EPB41L5: variants seen among roughly 807,000 people sequenced by gnomAD.
EPB41L5 encodes band 4.1-like protein 5.
A neutral mutation model predicts 106.6 loss-of-function variants in EPB41L5; 55 were observed. That is an observed-to-expected ratio of 0.52 (90% CI 0.42 to 0.65). The LOEUF (loss-of-function observed/expected upper bound fraction) is 0.65, where lower values mean the gene tolerates loss of function less well. EPB41L5 is among the 30% of genes least tolerant of loss of function. The pLI is 0.00. For synonymous variants in EPB41L5, 297 were observed against 306.7 expected, an observed-to-expected ratio of 0.97 and a Z score of 0.33; for missense variants, 871 against 882.1, an observed-to-expected ratio of 0.99 and a Z score of 0.16.
At chr2:120,170,540 C>T (rs563316915) in intron 24 of EPB41L5, among the ~76,000 whole-genome samples, 1 of 152,348 alleles carries the variant, frequency 6.6e-6, no homozygotes, top group African/African-American at 2.4e-5. Flanking sequence ...ATGTGGGCCT[C>T]TCCAAAGTAG....
rs1013813881 is a variant in EPB41L5, at chr2:120,156,672, T to G, written c.1794-4209T>G. Reference sequence around the variant, plus strand: ...CACGAGCAACCACCCCTGCCTGCAGTGCACAGAGAAAGCACACAGACCTGT... The same window carrying G: ...CACGAGCAACCACCCCTGCCTGCAGGGCACAGAGAAAGCACACAGACCTGT... On this transcript the variant is annotated intron_variant, in intron 20 of 24. Transcript: ENST00000263713. Among the ~76,000 whole-genome samples, 9 of 152,118 alleles carry G rather than the reference T, an allele frequency of 5.9e-5. No homozygotes were observed. In the East Asian group the frequency reaches 7.7e-4, roughly 13 times the overall value.
At chr2:120,148,855 G>C (rs952079335) in intron 20 of EPB41L5, among the ~76,000 whole-genome samples, 7 of 151,900 alleles carry the variant, frequency 4.6e-5, no homozygotes, top group Non-Finnish European at 7.4e-5. Flanking sequence ...TATACTTTCA[G>C]TTCTCCTTAG....
At chr2:120,045,889 A>G (rs1679737535) in intron 3 of EPB41L5, among the ~76,000 whole-genome samples, 2 of 150,086 alleles carry the variant, frequency 1.3e-5, no homozygotes, top group South Asian at 4.2e-4. Flanking sequence ...GTTCCCACCT[A>G]TGAGTGAGAA....
rs555474114 is a variant in EPB41L5, at chr2:120,061,986, T to G, written c.286-11192T>G. Among the ~76,000 whole-genome samples the G allele has an allele frequency of 2.0e-4, 31 of 152,318 alleles. No homozygotes were observed. The East Asian group carries it at 5.6e-3, about 27-fold the overall frequency. On this transcript the variant is annotated intron_variant, in intron 3 of 24. Coordinates refer to ENST00000263713, the MANE Select transcript of EPB41L5 (RefSeq NM_020909.4). ...CACTAGCTCTCCATTTTTTATTTTT[T>G]ATACTGAATTTTGATTTTTTTGAGA...
At position 120,091,640 on chromosome 2, in the gene EPB41L5, A is replaced by G; in HGVS notation, c.1129A>G (p.Arg377Gly). The change falls in exon 13 of 25, where the codon AGA becomes GGA. Residue 377 changes from arginine (R) to glycine (G), a missense_variant. By Grantham distance (125) the Arg-to-Gly change is moderately radical. Transcript: ENST00000263713. ...AAGAAGGCCCAGCAAACGATATTCT[A>G]GACGAACTCTACAAATGAAAGGTGA... ...FERRPSKRYSRRTLQMKACAT... is the reference protein window; with the variant it reads ...FERRPSKRYSGRTLQMKACAT... The G allele has an allele frequency of 6.2e-7, 1 of 1,613,466 alleles. No individual in the cohort carries two copies. The highest frequency in any genetic ancestry group is 8.5e-7 in the Non-Finnish European group (1 of 1,179,514).
chr2:120,149,431 C>T (rs1686569107), intron 20 of EPB41L5, among the ~76,000 whole-genome samples: 1 of 152,188 alleles, frequency 6.6e-6, no homozygotes. Context: ...TTTCTACTTT[C>T]TGTCTCTATA....
chr2:120,073,612 G>A (rs1263256536), intron 4 of EPB41L5, among the ~76,000 whole-genome samples: 2 of 152,282 alleles, frequency 1.3e-5, no homozygotes, highest in Middle Eastern at 3.4e-3. Context: ...TAAAATGTTA[G>A]TGTCATTCAG....
At chr2:120,156,541 G>T (rs373960890) in intron 20 of EPB41L5, among the ~76,000 whole-genome samples, 1 of 152,102 alleles carries the variant, frequency 6.6e-6, no homozygotes, top group Admixed American at 6.6e-5. Context: ...TGTCTCTCCC[G>T]TGTCCCATCA....
chr2:120,040,088 C>T (rs2441345), intron 2 of EPB41L5, among the ~76,000 whole-genome samples: 131,485 of 147,830 alleles, frequency 0.89, 57,574 homozygotes, highest in South Asian at 0.96. Context: ...TATATATATA[C>T]GTATTTAAAT....
intron 18 of EPB41L5, among the ~76,000 whole-genome samples, chr2:120,134,481 G>A (rs1002170825): frequency 2.6e-5 from 4 of 152,228 alleles, no homozygotes; most frequent in Non-Finnish European, 2.9e-5. Context: ...CACATACCTC[G>A]GGTGAGACCC....
chr2:120,084,494 G>C (rs987427337), intron 10 of EPB41L5, among the ~76,000 whole-genome samples: 23 of 152,160 alleles, frequency 1.5e-4, no homozygotes, highest in African/African-American at 5.6e-4. Flanking sequence ...CGAGAGATCT[G>C]CTGTTAGTCT....
intron 3 of EPB41L5, among the ~76,000 whole-genome samples, chr2:120,070,789 C>T (rs1288929985): frequency 6.6e-6 from 1 of 152,080 alleles, no homozygotes; most frequent in Non-Finnish European, 1.5e-5. Context: ...ATTCAACAGC[C>T]CTTCATGTTA....
At chr2:120,120,284 T>C (rs1017696817) in intron 16 of EPB41L5, among the ~76,000 whole-genome samples, 1 of 151,764 alleles carries the variant, frequency 6.6e-6, no homozygotes, top group African/African-American at 2.4e-5. Flanking sequence ...TAAATAAAAC[T>C]AGCCAGGCGT....
At chr2:120,042,998 TG>T (rs1558818579) in intron 3 of EPB41L5, among the ~76,000 whole-genome samples, 11,914 of 127,458 alleles carry the variant, frequency 0.093, 689 homozygotes, top group African/African-American at 0.13. Flanking sequence ...TCTGGAAATG[TG>T]TGTGTGTGTG....
At chr2:120,140,721 C>T (rs1029095117) in intron 18 of EPB41L5, among the ~76,000 whole-genome samples, 1 of 151,990 alleles carries the variant, frequency 6.6e-6, no homozygotes, top group Admixed American at 6.6e-5. Context: ...TGAAAAAATA[C>T]AAAATCTGAA....
chr2:120,033,291 A>T (rs1345296473), intron 2 of EPB41L5, among the ~76,000 whole-genome samples: 1 of 152,202 alleles, frequency 6.6e-6, no homozygotes. Flanking sequence ...GAAATGGTAT[A>T]GTTTTTTCTC....
intron 2 of EPB41L5, among the ~76,000 whole-genome samples, chr2:120,029,632 G>A (rs1678571424): frequency 6.6e-6 from 1 of 151,988 alleles, no homozygotes; most frequent in Non-Finnish European, 1.5e-5. Flanking sequence ...TTCTCTTTAG[G>A]CTAAATCCTA....
At chr2:120,068,356 T>C (rs921015003) in intron 3 of EPB41L5, among the ~76,000 whole-genome samples, 1 of 152,188 alleles carries the variant, frequency 6.6e-6, no homozygotes, top group Admixed American at 6.5e-5. Context: ...TGGGTGGCCG[T>C]TTGGGCAGGC....
At position 120,074,103 on chromosome 2, in the gene EPB41L5, G is replaced by T; in HGVS notation, c.332G>T (p.Gly111Val). ...TKSIKKQVKIGSPYCLHLRVK... is the reference protein window; with the variant it reads ...TKSIKKQVKIVSPYCLHLRVK... ...CTTTTTTTTTTTTAAATGACAGTTG[G>T]TTCACCCTATTGTCTGCATCTTCGA... is the stretch of plus-strand genomic sequence containing the variant. Residue 111 changes from glycine (G) to valine (V), a missense_variant, in exon 5 of 25, where the codon GGT becomes GTT. Physicochemically the swap from Gly to Val is moderately radical, Grantham distance 109. Transcript: ENST00000263713. 6.2e-7 allele frequency: 1 copy of T among 1,600,360 alleles called. No individual in the cohort carries two copies. Among genetic ancestry groups the T allele is most frequent in the African/African-American group, 1.4e-5 (1 of 74,060 alleles).
Sources: allele counts gnomAD v4.1 joint callset (sites outside exome capture counted in the v4.1 genomes callset), GRCh38; gene constraint gnomAD v4.1.1; transcripts MANE v1.5; gene names NCBI Gene and HGNC (gene_info 2026-07-23, HGNC 2026-07-21).